Variants in HACD4 observed in about 807,000 individuals in gnomAD.
HACD4 encodes 3-hydroxyacyl-CoA dehydratase 4, also known as very-long-chain (3R)-3-hydroxyacyl-CoA dehydratase 4.
A neutral mutation model predicts 33.3 loss-of-function variants in HACD4; 35 were observed. The ratio of observed to expected loss-of-function variants is 1.05; its 90% confidence interval spans 0.80 to 1.39. The LOEUF (loss-of-function observed/expected upper bound fraction) is 1.39, where lower values mean the gene tolerates loss of function less well. Among genes scored for constraint, HACD4 ranks in the 40% most tolerant of loss-of-function variants. HACD4 has a pLI of 0.00. For missense variants in HACD4, 323 were observed against 276.5 expected, an observed-to-expected ratio of 1.17 and a Z score of -1.19; for synonymous variants, 118 against 98.0, an observed-to-expected ratio of 1.20 and a Z score of -1.21.
Position 21,011,603 on chromosome 9 carries a change from C to G in HACD4, c.476G>C (p.Cys159Ser). 1 of 1,604,170 alleles carries G rather than the reference C, an allele frequency of 6.2e-7. No homozygotes were observed. The highest frequency in any genetic ancestry group is 8.5e-7 in the Non-Finnish European group (1 of 1,171,330). ...QTLWMPIYPL[C>S]VLAEAFAIYQ... ...TCTTTTCTTACCTTCAGCAAGAACA[C>G]ACAAAGGATAAATTGGCATCCATAG... Residue 159 changes from cysteine to serine, a missense_variant, in exon 5 of 7, where the codon TGT (cysteine) becomes TCT (serine). Transcript: ENST00000495827.
Position 21,002,701 on chromosome 9 carries a change from A to G in HACD4, c.*4336T>C, listed in dbSNP as rs1842185679. 1.3e-5 allele frequency: 2 copies of G among 152,162 alleles called. No homozygotes were observed. Among genetic ancestry groups the G allele is most frequent in the African/African-American group, 4.8e-5 (2 of 41,444 alleles). 9.4% of individuals were successfully genotyped at this position (152,162 alleles called of 1,614,324 possible). A position where few individuals can be genotyped will look rare whatever the true frequency, so the allele number is the denominator to read the frequency against. Reference sequence around the variant, plus strand: ...AACTGCACACTTAAAAAGGAATAAGATAGTATATTTTACATTTTACCACAA... The same window carrying G: ...AACTGCACACTTAAAAAGGAATAAGGTAGTATATTTTACATTTTACCACAA... On this transcript the variant is annotated 3_prime_UTR_variant, in exon 7 of 7. Coordinates refer to ENST00000495827, the MANE Select transcript of HACD4 (RefSeq NM_001010915.5).
Position 21,009,747 on chromosome 9 carries a change from G to C in HACD4, c.491-1601C>G, listed in dbSNP as rs182609422. Among the ~76,000 whole-genome samples, 270 of 152,170 alleles carry C rather than the reference G, an allele frequency of 1.8e-3. 1 individual carries two copies. Among genetic ancestry groups the C allele is most frequent in the African/African-American group, 6.3e-3 (262 of 41,524 alleles). Reference sequence around the variant, plus strand: ...AGCACAGTCACCCTGCTGTGCACTAGATCTCAAAAATGTATTCCTCCTAAC... The same window carrying C: ...AGCACAGTCACCCTGCTGTGCACTACATCTCAAAAATGTATTCCTCCTAAC... On this transcript the variant is annotated intron_variant, in intron 5 of 6. Transcript: ENST00000495827.
At chr9:21,017,332 T>A (rs1200411445) in intron 3 of HACD4, among the ~76,000 whole-genome samples, 1 of 152,156 alleles carries the variant, frequency 6.6e-6, no homozygotes, top group Non-Finnish European at 1.5e-5. Context: ...GGGTCTATGT[T>A]TGGCTAAGGG....
intron 3 of HACD4, among the ~76,000 whole-genome samples, chr9:21,019,363 T>C (rs1817844070): frequency 6.6e-6 from 1 of 152,142 alleles, no homozygotes; most frequent in Admixed American, 6.5e-5. Context: ...TAAGTAATTA[T>C]ACCAGAGATA....
At chr9:21,007,263 A>G in intron 6 of HACD4, 144 bp from the exon 7 acceptor site, 1 of 606,602 alleles carries the variant, frequency 1.6e-6, no homozygotes. Flanking sequence ...ATGTTTAAAG[A>G]AGTGTCCAGA....
intron 3 of HACD4, among the ~76,000 whole-genome samples, chr9:21,024,671 G>A (rs35641645): frequency 0.32 from 48,002 of 152,042 alleles, 7,758 homozygotes; most frequent in East Asian, 0.51. Context: ...TGCTCAGTGA[G>A]TTTTCTTCCT....
intron 5 of HACD4, among the ~76,000 whole-genome samples, chr9:21,010,396 A>G (rs1348499681): frequency 1.4e-5 from 2 of 148,082 alleles, no homozygotes; most frequent in African/African-American, 2.5e-5. Flanking sequence ...TTCATTGAGC[A>G]TGTATACTGG....
Position 21,026,598 on chromosome 9 carries a change from G to A in HACD4, c.268C>T (p.Gln90Ter), listed in dbSNP as rs1818066422. The A allele has an allele frequency of 6.2e-7, 1 of 1,608,666 alleles. No homozygotes were observed. Among genetic ancestry groups the A allele is most frequent in the Non-Finnish European group, 8.5e-7 (1 of 1,177,100 alleles). The change falls in exon 3 of 7, where the codon CAG (glutamine) becomes TAG (stop). Residue 90 changes from glutamine to a stop codon, truncating the protein, a stop_gained and splice_region_variant. Coordinates refer to ENST00000495827, the MANE Select transcript of HACD4 (RefSeq NM_001010915.5). LOFTEE classifies it high-confidence loss of function. The part of the protein sequence containing the change: ...ESNHLLPRFL[Q>*]LTERIIILFV... ...AATAATATGTGATTCAAACCTACCTGCAAAAACCTTGGGAGAAGATGGTTT... is the reference window on the plus strand; with the variant it reads ...AATAATATGTGATTCAAACCTACCTACAAAAACCTTGGGAGAAGATGGTTT...
chr9:21,007,284 A>C (rs988059875), intron 6 of HACD4, among the ~76,000 whole-genome samples, 165 bp from the exon 7 acceptor site: 1 of 152,178 alleles, frequency 6.6e-6, no homozygotes, highest in South Asian at 2.1e-4. Flanking sequence ...TTTTATGCAG[A>C]AAGAGAGGTA....
intron 3 of HACD4, among the ~76,000 whole-genome samples, chr9:21,021,861 C>T (rs1051837364): frequency 1.3e-5 from 2 of 152,042 alleles, no homozygotes; most frequent in African/African-American, 2.4e-5. Context: ...ACTTTCTTCA[C>T]GGAACTGGAA....
chr9:21,008,263 G>T, intron 5 of HACD4, 117 bp from the exon 6 acceptor site: 1 of 920,334 alleles, frequency 1.1e-6, no homozygotes, highest in Non-Finnish European at 1.6e-6. Flanking sequence ...TTTTGTAATA[G>T]TTGCTGAATC....
intron 1 of HACD4, among the ~76,000 whole-genome samples, chr9:21,030,769 G>A (rs115848137): frequency 0.013 from 1,926 of 152,362 alleles, 32 homozygotes; most frequent in African/African-American, 0.044. Flanking sequence ...CATACCAGAA[G>A]AGGGAAGTCA....
intron 5 of HACD4, among the ~76,000 whole-genome samples, chr9:21,010,025 A>G (rs1339152693): frequency 6.6e-6 from 1 of 152,226 alleles, no homozygotes; most frequent in African/African-American, 2.4e-5. Context: ...TTACAGTAAC[A>G]AGCTCTTTTT....
chr9:21,011,580 T>G lies in HACD4; in HGVS notation c.490+9A>C. Reference sequence around the variant, plus strand: ...CAGTAAGCAATACAGCAAGTCACTCTTTTCTTACCTTCAGCAAGAACACAC... The same window carrying G: ...CAGTAAGCAATACAGCAAGTCACTCGTTTCTTACCTTCAGCAAGAACACAC... On this transcript the variant is annotated intron_variant, in intron 5 of 6. Transcript: ENST00000495827. 1 of 1,551,140 alleles carries G rather than the reference T, an allele frequency of 6.4e-7. No homozygotes were observed.
chr9:21,007,875 G>A, intron 6 of HACD4, 146 bp downstream of exon 6: 3 of 589,586 alleles, frequency 5.1e-6, no homozygotes, highest in Non-Finnish European at 8.2e-6. Flanking sequence ...AACCTCCAGG[G>A]GCTTTACTAG....
chr9:21,020,191 A>T (rs1462758723), intron 3 of HACD4, among the ~76,000 whole-genome samples: 2 of 151,786 alleles, frequency 1.3e-5, no homozygotes, highest in African/African-American at 4.8e-5. Context: ...TTAAAAATTG[A>T]GTAAAAATGT....
At position 21,002,696 on chromosome 9, in the gene HACD4, A is replaced by G. The variant is rs182915122; in HGVS notation, c.*4341T>C. The G allele has an allele frequency of 6.6e-6, 1 of 152,300 alleles. No individual in the cohort carries two copies. The highest frequency in any genetic ancestry group is 1.9e-4 in the East Asian group (1 of 5,190). 9.4% of individuals were successfully genotyped at this position (152,300 alleles called of 1,614,324 possible). ...TACTGAACTGCACACTTAAAAAGGA[A>G]TAAGATAGTATATTTTACATTTTAC... On this transcript the variant is annotated 3_prime_UTR_variant, in exon 7 of 7. Transcript: ENST00000495827.
chr9:21,026,628 C>G lies in HACD4; in HGVS notation c.238G>C (p.Glu80Gln). ...LELLHIYVGI[E>Q]SNHLLPRFLQ... is the part of the protein sequence containing the mutation. ...AACCTTGGGAGAAGATGGTTTGACT[C>G]AATGCCAACATATATGTGCAGCAGT... Residue 80 changes from glutamate to glutamine, a missense_variant, in exon 3 of 7, where the codon GAG (glutamate) becomes CAG (glutamine). Coordinates refer to ENST00000495827, the MANE Select transcript of HACD4 (RefSeq NM_001010915.5). The G allele has an allele frequency of 6.2e-7, 1 of 1,613,350 alleles. No homozygotes were observed. Among genetic ancestry groups the G allele is most frequent in the African/African-American group, 1.3e-5 (1 of 75,014 alleles).
intron 4 of HACD4, among the ~76,000 whole-genome samples, chr9:21,013,494 G>C (rs1226095150): frequency 6.6e-6 from 1 of 152,118 alleles, no homozygotes; most frequent in African/African-American, 2.4e-5. Flanking sequence ...CTGAGTTCCT[G>C]GAGTTTAAAT....
Sources: gnomAD v4.1 joint callset for allele counts (sites outside exome capture counted in the v4.1 genomes callset) on GRCh38, gnomAD v4.1.1 for gene constraint, MANE v1.5 for transcripts, NCBI Gene and HGNC (gene_info 2026-07-23, HGNC 2026-07-21) for gene names.